SLC38A1: variants seen among roughly 807,000 people sequenced by gnomAD.
SLC38A1 encodes sodium-coupled neutral amino acid symporter 1.
In SLC38A1, 18 loss-of-function variants were observed where a neutral mutation model predicts 60.3. That is an observed-to-expected ratio of 0.30 (90% CI 0.21 to 0.44). SLC38A1 has a LOEUF of 0.44. Ranked by LOEUF, SLC38A1 falls within the 20% of genes least tolerant of loss-of-function variation. The pLI is 1.00. For missense variants in SLC38A1, 448 were observed against 587.2 expected (o/e 0.76, Z 2.45); for synonymous variants, 196 against 212.1 (o/e 0.92, Z 0.66).
In SLC38A1 at chr12:46,240,491, C is replaced by T. The variant is rs150435983; in HGVS notation, c.-93-598G>A. On this transcript the variant is annotated intron_variant, in intron 2 of 16. Transcript: ENST00000398637. ...AATTACAGGCGTGAGCCACCGCACCCGGCCTGAAGCAGTGCTTTTAAAATG... is the reference window on the plus strand; with the variant it reads ...AATTACAGGCGTGAGCCACCGCACCTGGCCTGAAGCAGTGCTTTTAAAATG... Among the ~76,000 whole-genome samples the T allele has an allele frequency of 3.6e-4, 55 of 152,304 alleles. No individual in the cohort carries two copies. The South Asian group carries it at 0.01, about 28-fold the overall frequency.
chr12:46,237,535 G>T (rs1012898482), intron 3 of SLC38A1, among the ~76,000 whole-genome samples: 1 of 151,784 alleles, frequency 6.6e-6, no homozygotes, highest in Non-Finnish European at 1.5e-5. Context: ...TGCAATACAG[G>T]AACCAAAAGC....
chr12:46,210,537 T>G (rs1940112929), intron 5 of SLC38A1, among the ~76,000 whole-genome samples: 2 of 152,218 alleles, frequency 1.3e-5, no homozygotes, highest in Non-Finnish European at 2.9e-5. Flanking sequence ...GGAGGCTGAT[T>G]GATATGGTTT....
rs1592105125 is a variant in SLC38A1, at chr12:46,219,933, A to G, written c.314+9220T>C. On this transcript the variant is annotated intron_variant, in intron 5 of 16. Coordinates refer to ENST00000398637, the MANE Select transcript of SLC38A1 (RefSeq NM_030674.4). ...AGGACTGAGTGAACTCAGGGTATAC[A>G]CTCTAGCGCATGTGCGCGCACACAC... Among the ~76,000 whole-genome samples, 4 of 152,254 alleles carry G rather than the reference A, an allele frequency of 2.6e-5. No individual in the cohort carries two copies. The South Asian group carries it at 6.2e-4, about 24-fold the overall frequency.
rs115500245 is a variant in SLC38A1, at chr12:46,253,796, G to C, written c.-208-10482C>G. Reference sequence around the variant, plus strand: ...TTTATAAGAGAACCCTTAATCCTAAGGGCTGCACAGGGATGAAAATCCATC... The same window carrying C: ...TTTATAAGAGAACCCTTAATCCTAACGGCTGCACAGGGATGAAAATCCATC... On this transcript the variant is annotated intron_variant, in intron 1 of 16. Transcript: ENST00000398637. 6.6e-3 allele frequency among the ~76,000 whole-genome samples: 1,006 copies of C among 152,186 alleles called. 10 individuals are homozygous for C. Among genetic ancestry groups the C allele is most frequent in the African/African-American group, 0.023 (935 of 41,528 alleles).
chr12:46,260,412 A>G (rs1287928364), intron 1 of SLC38A1, among the ~76,000 whole-genome samples: 1 of 152,246 alleles, frequency 6.6e-6, no homozygotes, highest in Non-Finnish European at 1.5e-5. Flanking sequence ...GCGTTATGAA[A>G]TAGGATCTCC....
intron 1 of SLC38A1, among the ~76,000 whole-genome samples, chr12:46,244,937 G>GT (rs1434771436): frequency 6.6e-6 from 1 of 152,042 alleles, no homozygotes; most frequent in East Asian, 1.9e-4. Flanking sequence ...AGTAGACAAT[G>GT]GTATAATGAA....
intron 16 of SLC38A1, among the ~76,000 whole-genome samples, chr12:46,190,748 C>A (rs1044533948): frequency 1.1e-4 from 16 of 152,174 alleles, no homozygotes; most frequent in African/African-American, 3.9e-4. Flanking sequence ...TGAGAAGTGT[C>A]TGTTCATATC....
chr12:46,198,855 T>G, intron 13 of SLC38A1, 112 bp from the exon 14 acceptor site: 1 of 687,366 alleles, frequency 1.5e-6, no homozygotes, highest in Non-Finnish European at 2.5e-6. Flanking sequence ...AAAAGCAATG[T>G]TTCGAAATGT....
chr12:46,197,544 G>A (rs1437611891), intron 16 of SLC38A1, 176 bp downstream of exon 16: 3 of 537,954 alleles, frequency 5.6e-6, no homozygotes, highest in Non-Finnish European at 6.5e-6. Flanking sequence ...TATTTGGAGG[G>A]ATGGGAGAAG....
chr12:46,201,233 T>A (rs1196194295), intron 12 of SLC38A1, 35 bp from the exon 13 acceptor site: 1 of 1,526,384 alleles, frequency 6.6e-7, no homozygotes, highest in Admixed American at 1.7e-5. Flanking sequence ...TTAAAAATCA[T>A]ATGACTGAAT....
At chr12:46,225,581 G>C (rs1015509920) in intron 5 of SLC38A1, among the ~76,000 whole-genome samples, 2 of 152,160 alleles carry the variant, frequency 1.3e-5, no homozygotes, top group Non-Finnish European at 1.5e-5. Flanking sequence ...TTCTCTGGGT[G>C]ATCTGAACAG....
At position 46,268,110 on chromosome 12, in the gene SLC38A1, G is replaced by A. The variant is rs573379454; in HGVS notation, c.-209+416C>T. On this transcript the variant is annotated intron_variant, in intron 1 of 16. Coordinates refer to ENST00000398637, the MANE Select transcript of SLC38A1 (RefSeq NM_030674.4). This position sits in a 1 kb window ranked among gnomAD's most constrained non-coding sequence, Gnocchi z 4.4. ...ACACAGGAAATTTTCACCAAAGGCC[G>A]GGGATTCAAACACTCCCAGAACACG... Among the ~76,000 whole-genome samples, 27 of 152,224 alleles carry A rather than the reference G, an allele frequency of 1.8e-4. No individual in the cohort carries two copies. The highest frequency in any genetic ancestry group is 6.0e-4 in the African/African-American group (25 of 41,532).
At position 46,252,745 on chromosome 12, in the gene SLC38A1, G is replaced by A. The variant is rs115319655; in HGVS notation, c.-208-9431C>T. 6.6e-3 allele frequency among the ~76,000 whole-genome samples: 1,006 copies of A among 152,006 alleles called. 9 individuals carry two copies. The highest frequency in any genetic ancestry group is 0.023 in the African/African-American group (934 of 41,486). ...ATGGTTTTTCTATGCACATAGAAAT[G>A]TTCTTTCTATGTTCGTTGCAGCATT... On this transcript the variant is annotated intron_variant, in intron 1 of 16. Coordinates refer to ENST00000398637, the MANE Select transcript of SLC38A1 (RefSeq NM_030674.4).
intron 13 of SLC38A1, among the ~76,000 whole-genome samples, chr12:46,199,451 G>T (rs1939548060): frequency 6.6e-6 from 1 of 151,390 alleles, no homozygotes; most frequent in African/African-American, 2.4e-5. Flanking sequence ...ATGGGCACAA[G>T]CAATCCTCCT....
rs1451934980 is a variant in SLC38A1, at chr12:46,268,083, G to A, written c.-209+443C>T. On this transcript the variant is annotated intron_variant, in intron 1 of 16. Coordinates refer to ENST00000398637, the MANE Select transcript of SLC38A1 (RefSeq NM_030674.4). This position sits in a 1 kb window ranked among gnomAD's most constrained non-coding sequence, Gnocchi z 4.4. ...TCACACGATCTCCTCTGGGCCTTGC[G>A]GACACAGGAAATTTTCACCAAAGGC... 6.6e-6 allele frequency among the ~76,000 whole-genome samples: 1 copy of A among 152,084 alleles called. No individual in the cohort carries two copies. Among genetic ancestry groups the A allele is most frequent in the Non-Finnish European group, 1.5e-5 (1 of 68,012 alleles).
At chr12:46,243,366 A>C (rs1172854831) in intron 1 of SLC38A1, 52 bp from the exon 2 acceptor site, 2 of 152,232 alleles carry the variant, frequency 1.3e-5, no homozygotes, top group Non-Finnish European at 2.9e-5. Context: ...CATTTACAAA[A>C]ATGGAAATGA....
At chr12:46,226,915 C>T (rs906560333) in intron 5 of SLC38A1, among the ~76,000 whole-genome samples, 3 of 152,110 alleles carry the variant, frequency 2.0e-5, no homozygotes, top group African/African-American at 4.8e-5. Context: ...CCACTGTGCC[C>T]GGCCAAGGCC....
chr12:46,201,158 A>C lies in SLC38A1; in HGVS notation c.943T>G (p.Phe315Val). Residue 315 changes from phenylalanine (F) to valine (V), a missense_variant, in exon 13 of 17, where the codon TTT becomes GTT. Transcript: ENST00000398637. ...AAGTACATAACAAACATGGCGAAAA[A>C]GGAGATGTTTGAAACCATCTGCATT... ...KKMQMVSNIS[F>V]FAMFVMYFLT... 2 of 1,613,604 alleles carry C rather than the reference A, an allele frequency of 1.2e-6. No individual in the cohort carries two copies. Among genetic ancestry groups the C allele is most frequent in the Non-Finnish European group, 1.7e-6 (2 of 1,179,758 alleles).
At chr12:46,244,818 T>C (rs1391373510) in intron 1 of SLC38A1, among the ~76,000 whole-genome samples, 2 of 152,242 alleles carry the variant, frequency 1.3e-5, no homozygotes, top group Non-Finnish European at 2.9e-5. Flanking sequence ...TCTGTTTTCC[T>C]TAGCGTAAAC....
Sources: allele counts gnomAD v4.1 joint callset (sites outside exome capture counted in the v4.1 genomes callset), GRCh38; gene constraint gnomAD v4.1.1; non-coding constraint Gnocchi (gnomAD v3.1); transcripts MANE v1.5; gene names NCBI Gene and HGNC (gene_info 2026-07-23, HGNC 2026-07-21).